The following CDH7 variants were observed in gnomAD, a reference collection of about 807,000 sequenced individuals.
The protein encoded by CDH7 is cadherin 7.
Under a neutral mutation model 71.8 loss-of-function variants are expected in CDH7, and 25 were observed. The ratio of observed to expected loss-of-function variants is 0.35; its 90% CI spans 0.25 to 0.49. The LOEUF is 0.49. Among genes scored for constraint, CDH7 ranks in the 20% least tolerant of loss-of-function variants. The probability of loss-of-function intolerance (pLI) is 0.99; values close to 1 mark genes in which losing one functional copy is unlikely to be tolerated. For synonymous variants in CDH7, 381 were observed against 363.8 expected (o/e 1.05, Z -0.54); for missense variants, 862 against 974.6 (o/e 0.88, Z 1.54).
chr18:65,796,606 G>T (rs943711640), intron 2 of CDH7, among the ~76,000 whole-genome samples: 7 of 152,060 alleles, frequency 4.6e-5, no homozygotes, highest in Non-Finnish European at 7.4e-5. Context: ...AGACCCCTTG[G>T]TTCAACCTGT....
At chr18:65,837,175 T>A (rs758781814) in intron 6 of CDH7, among the ~76,000 whole-genome samples, 5 of 152,210 alleles carry the variant, frequency 3.3e-5, no homozygotes, top group Non-Finnish European at 4.4e-5. Context: ...CTCATCTACC[T>A]ACTAAGATCA....
intron 6 of CDH7, among the ~76,000 whole-genome samples, chr18:65,841,436 T>G (rs553825304): frequency 4.3e-4 from 65 of 152,296 alleles, no homozygotes; most frequent in African/African-American, 1.5e-3. Context: ...TGGTTTTGCA[T>G]TGATTTGAAA....
Position 65,862,729 on chromosome 18 carries a change from A to C in CDH7, c.1676A>C (p.Tyr559Ser). Residue 559 changes from tyrosine (Y) to serine (S), a missense_variant, in exon 11 of 12, where the codon TAT (tyrosine) becomes TCT (serine). Physicochemically the swap from Tyr to Ser is moderately radical, Grantham distance 144 (BLOSUM62 -2). Coordinates refer to ENST00000397968, the MANE Select transcript of CDH7 (RefSeq NM_004361.5). The stretch of plus-strand genomic sequence containing the variant: ...CGGAGACAGGAACAATCAGTTTACT[A>C]TCTGCCAATTTTCATTGTGGACAGT... ...GFRRQEQSVY[Y>S]LPIFIVDSGS... 3 of 1,614,072 alleles carry C rather than the reference A, an allele frequency of 1.9e-6. No individual in the cohort carries two copies. Among genetic ancestry groups the C allele is most frequent in the Non-Finnish European group, 1.7e-6 (2 of 1,179,914 alleles).
intron 6 of CDH7, among the ~76,000 whole-genome samples, chr18:65,831,501 C>G (rs74997291): frequency 0.041 from 6,225 of 152,154 alleles, 160 homozygotes; most frequent in South Asian, 0.12. Context: ...GTTGTTTTCC[C>G]AGAATCAAGG....
At chr18:65,852,928 A>G (rs1026175883) in intron 7 of CDH7, among the ~76,000 whole-genome samples, 2 of 152,194 alleles carry the variant, frequency 1.3e-5, no homozygotes, top group African/African-American at 4.8e-5. Context: ...GAAAAGGTTG[A>G]TGAATTTGCT....
rs535464159 is a variant in CDH7, at chr18:65,852,113, A to G, written c.1236-5703A>G. 8.5e-4 allele frequency among the ~76,000 whole-genome samples: 130 copies of G among 152,228 alleles called. 1 individual carries two copies. The Middle Eastern group carries it at 0.01, about 12-fold the overall frequency. ...GGTATATTTGTTCACCACTTAATAC[A>G]TCAGTTTGACTGGTTATGAGTTTAG... On this transcript the variant is annotated intron_variant, in intron 7 of 11. Coordinates refer to ENST00000397968, the MANE Select transcript of CDH7 (RefSeq NM_004361.5).
chr18:65,814,640 C>T (rs773993692), intron 4 of CDH7, 36 bp downstream of exon 4: 15 of 1,571,550 alleles, frequency 9.5e-6, no homozygotes, highest in Non-Finnish European at 1.2e-5. Flanking sequence ...GTAAAGTCAT[C>T]ATTTGTTTGC....
chr18:65,753,876 A>T (rs576911949), intron 1 of CDH7, among the ~76,000 whole-genome samples: 1 of 152,318 alleles, frequency 6.6e-6, no homozygotes, highest in South Asian at 2.1e-4. Flanking sequence ...TCTTCATTTC[A>T]GATTATAGTA....
rs748216893 is a variant in CDH7 at position 65,824,684 on chromosome 18, C to T, written c.834C>T (p.Ala278=). ...ACGTCCCAGAGTCATTACCTGTAGCCTCAGTTGTGGCCAGAATTAAAGCTG... is the reference window on the plus strand; with the variant it reads ...ACGTCCCAGAGTCATTACCTGTAGCTTCAGTTGTGGCCAGAATTAAAGCTG... ...QYNVPESLPV[A]SVVARIKAAD... Residue 278 remains alanine, a synonymous_variant, in exon 6 of 12, where the codon GCC becomes GCT. Coordinates refer to ENST00000397968, the MANE Select transcript of CDH7 (RefSeq NM_004361.5). 1 of 1,611,140 alleles carries T rather than the reference C, an allele frequency of 6.2e-7. No homozygotes were observed. The highest frequency in any genetic ancestry group is 1.1e-5 in the South Asian group (1 of 90,840).
intron 2 of CDH7, among the ~76,000 whole-genome samples, chr18:65,782,094 CCTTCCTTCCT>C (rs1910304394): frequency 1.9e-5 from 1 of 52,852 alleles, no homozygotes; most frequent in African/African-American, 1.9e-4. Context: ...TTCCTTCCTT[CCTTCCTTCCT>C]TCCTTCTTTC....
chr18:65,856,335 C>A (rs547682552), intron 7 of CDH7, among the ~76,000 whole-genome samples: 1 of 151,922 alleles, frequency 6.6e-6, no homozygotes, highest in Non-Finnish European at 1.5e-5. Context: ...TCCATATACA[C>A]AGGAGTAATA....
chr18:65,754,977 G>T (rs999257906), intron 1 of CDH7, among the ~76,000 whole-genome samples: 2 of 152,088 alleles, frequency 1.3e-5, no homozygotes, highest in Non-Finnish European at 2.9e-5. Flanking sequence ...TAGACAATAG[G>T]TTCCTTCACC....
intron 2 of CDH7, among the ~76,000 whole-genome samples, chr18:65,764,353 T>C (rs566142245): frequency 6.6e-6 from 1 of 152,182 alleles, no homozygotes; most frequent in Admixed American, 6.5e-5. Flanking sequence ...GAATTAGGAT[T>C]TTTCTTTTTT....
At chr18:65,834,235 A>G (rs752611977) in intron 6 of CDH7, among the ~76,000 whole-genome samples, 1 of 152,196 alleles carries the variant, frequency 6.6e-6, no homozygotes, top group Admixed American at 6.5e-5. Flanking sequence ...TGAGAATGGA[A>G]TGGAGATGTG....
At chr18:65,859,229 G>A (rs989469995) in intron 9 of CDH7, among the ~76,000 whole-genome samples, 183 bp downstream of exon 9, 1 of 152,154 alleles carries the variant, frequency 6.6e-6, no homozygotes, top group African/African-American at 2.4e-5. Flanking sequence ...AGTTTAATTG[G>A]GGTGATGAAA....
At position 65,866,339 on chromosome 18, in the gene CDH7, A is replaced by C. The variant is rs1599062741; in HGVS notation, c.1864+3422A>C. The C allele has an allele frequency of 3.6e-4, 3 of 8,326 alleles. 1 individual carries two copies. Among genetic ancestry groups the C allele is most frequent in the African/African-American group, 1.0e-3 (3 of 2,968 alleles). The allele number at this position is 8,326 out of a possible 1,614,324, so 0.5% of individuals were successfully genotyped here. A position where few individuals can be genotyped will look rare whatever the true frequency, so the allele number is the denominator to read the frequency against. On this transcript the variant is annotated intron_variant, in intron 11 of 11. Coordinates refer to ENST00000397968, the MANE Select transcript of CDH7 (RefSeq NM_004361.5). ...ACAAAAAAAAAAAAAAACAAAAAAAAAAAAAAAAAGAATGAAACTATAGAA... is the reference window on the plus strand; with the variant it reads ...ACAAAAAAAAAAAAAAACAAAAAAACAAAAAAAAAGAATGAAACTATAGAA...
chr18:65,827,073 T>C (rs1912158556), intron 6 of CDH7, among the ~76,000 whole-genome samples: 1 of 151,748 alleles, frequency 6.6e-6, no homozygotes, highest in African/African-American at 2.4e-5. Flanking sequence ...AATCAATCAT[T>C]AGTTATTATT....
chr18:65,838,179 C>T (rs1912600502), intron 6 of CDH7, among the ~76,000 whole-genome samples: 1 of 151,996 alleles, frequency 6.6e-6, no homozygotes, highest in African/African-American at 2.4e-5. Context: ...TTTGGCCTCC[C>T]AAAGTGCTGG....
intron 6 of CDH7, 124 bp from the exon 7 acceptor site, chr18:65,843,688 G>T: frequency 1.3e-6 from 1 of 763,528 alleles, no homozygotes; most frequent in Non-Finnish European, 2.0e-6. Context: ...ATTATTTTTG[G>T]ATGCTGATGG....
Sources: gnomAD v4.1 joint callset for allele counts (sites outside exome capture counted in the v4.1 genomes callset) on GRCh38, gnomAD v4.1.1 for gene constraint, MANE v1.5 for transcripts, NCBI Gene and HGNC (gene_info 2026-07-23, HGNC 2026-07-21) for gene names.